The following DSEL variants were observed in gnomAD, a reference collection of about 807,000 sequenced individuals.
The protein encoded by DSEL is dermatan sulfate epimerase like, also known as dermatan-sulfate epimerase-like protein.
Under a neutral mutation model 96.6 loss-of-function variants are expected in DSEL, and 61 were observed. The observed-to-expected ratio is 0.63, with a 90% CI of 0.51 to 0.78. The LOEUF (loss-of-function observed/expected upper bound fraction) is 0.78. DSEL is among the 30% of genes least tolerant of loss of function. The pLI is 0.00. For missense variants in DSEL, 1,320 were observed against 1,430.8 expected (o/e 0.92, Z 1.25); for synonymous variants, 514 against 502.0 (o/e 1.02, Z -0.32).
Position 67,513,424 on chromosome 18 carries a change from C to T in DSEL, c.1185G>A (p.Gln395=). ...LHTEYIWYDP[Q]LTPQPPADYG... is the part of the protein sequence containing the mutation. ...AATCAGCAGGTGGCTGTGGTGTGAG[C>T]TGGGGATCATACCAGATGTATTCAG... The change falls in exon 2 of 2, where the codon CAG becomes CAA. Residue 395 remains glutamine (Q), a synonymous_variant. Coordinates refer to ENST00000310045, the MANE Select transcript of DSEL (RefSeq NM_032160.3). 1 of 1,614,158 alleles carries T rather than the reference C, an allele frequency of 6.2e-7. No individual in the cohort carries two copies.
Position 67,512,518 on chromosome 18 carries a change from A to C in DSEL, c.2091T>G (p.Ser697Arg). ...INVSSCRFID[S>R]SNPGLQISLN... ...GAGAAATCTGAAGTCCAGGATTGGAACTATCAATAAATCTGCAGCTGGAGA... is the reference window on the plus strand; with the variant it reads ...GAGAAATCTGAAGTCCAGGATTGGACCTATCAATAAATCTGCAGCTGGAGA... The change falls in exon 2 of 2, where the codon AGT becomes AGG. Residue 697 changes from serine to arginine, a missense_variant. Transcript: ENST00000310045. 1 of 1,614,110 alleles carries C rather than the reference A, an allele frequency of 6.2e-7. No individual in the cohort carries two copies. The highest frequency in any genetic ancestry group is 1.3e-5 in the African/African-American group (1 of 75,066).
Position 67,514,394 on chromosome 18 carries a change from A to G in DSEL, c.215T>C (p.Ile72Thr). ...ACGAGACTTTTGTCTCATTGCTTGGATTTCTCCAGCATCAAAATATAAACT... is the reference window on the plus strand; with the variant it reads ...ACGAGACTTTTGTCTCATTGCTTGGGTTTCTCCAGCATCAAAATATAAACT... The part of the protein sequence containing the change: ...HPSLYFDAGE[I>T]QAMRQKSRAS... The change falls in exon 2 of 2, where the codon ATC becomes ACC. Residue 72 changes from isoleucine to threonine, a missense_variant. Ile to Thr is a moderately conservative substitution (Grantham distance 89, BLOSUM62 -1). This residue lies in a region of DSEL where 323 missense variants were observed against 333.1 expected (regional missense o/e 0.97). Coordinates refer to ENST00000310045, the MANE Select transcript of DSEL (RefSeq NM_032160.3). The G allele has an allele frequency of 6.2e-7, 1 of 1,614,148 alleles. No homozygotes were observed. Among genetic ancestry groups the G allele is most frequent in the Non-Finnish European group, 8.5e-7 (1 of 1,180,032 alleles).
rs747825242 is a variant in DSEL at position 67,514,134 on chromosome 18, G to T, written c.475C>A (p.Leu159Ile). 2 of 1,614,180 alleles carry T rather than the reference G, an allele frequency of 1.2e-6. No individual in the cohort carries two copies. Among genetic ancestry groups the T allele is most frequent in the Non-Finnish European group, 8.5e-7 (1 of 1,180,042 alleles). Residue 159 changes from leucine to isoleucine, a missense_variant, in exon 2 of 2, where the codon CTA becomes ATA. Physicochemically the swap from Leu to Ile is conservative, Grantham distance 5. Coordinates refer to ENST00000310045, the MANE Select transcript of DSEL (RefSeq NM_032160.3). Reference protein sequence around the residue: ...MDRMVGYKDWLVENAPGDEVP... With the variant: ...MDRMVGYKDWIVENAPGDEVP... ...TCATCTCCTGGTGCATTCTCTACTA[G>T]CCAGTCTTTGTAGCCAACCATCCTG...
In DSEL at chr18:67,513,123, G is replaced by A; in HGVS notation, c.1486C>T (p.His496Tyr). The A allele has an allele frequency of 6.2e-7, 1 of 1,614,120 alleles. No individual in the cohort carries two copies. The highest frequency in any genetic ancestry group is 8.5e-7 in the Non-Finnish European group (1 of 1,180,030). ...SEALYGPKLS[H>Y]LNNVLVFAPS... is the part of the protein sequence containing the mutation. ...GCAAACACCAATACATTGTTAAGGT[G>A]GCTCAACTTGGGTCCATAGAGAGCT... The change falls in exon 2 of 2, where the codon CAC (histidine) becomes TAC (tyrosine). Residue 496 changes from histidine (H) to tyrosine (Y), a missense_variant. Physicochemically the swap from His to Tyr is moderately conservative, Grantham distance 83 (BLOSUM62 2). This residue lies in a region of DSEL where 986 missense variants were observed against 1,066.4 expected (regional missense o/e 0.92). Coordinates refer to ENST00000310045, the MANE Select transcript of DSEL (RefSeq NM_032160.3).
rs2089422403 is a variant in DSEL at position 67,508,465 on chromosome 18, T to G, written c.*2505A>C. 4.6e-5 allele frequency: 7 copies of G among 152,220 alleles called. No homozygotes were observed. The highest frequency in any genetic ancestry group is 4.6e-4 in the Admixed American group (7 of 15,282). 9.4% of individuals were successfully genotyped at this position (152,220 alleles called of 1,614,324 possible). On this transcript the variant is annotated 3_prime_UTR_variant, in exon 2 of 2. Transcript: ENST00000310045. ...TAGAATAACTAAATAGTAGGGTTCA[T>G]GTCTAAAATTTTCCCTTGGGGTGGG...
rs773471881 is a variant in DSEL, at chr18:67,513,988, C to T, written c.621G>A (p.Met207Ile). Residue 207 changes from methionine to isoleucine, a missense_variant, in exon 2 of 2, where the codon ATG becomes ATA. By Grantham distance (10) the Met-to-Ile change is conservative (BLOSUM62 1). Transcript: ENST00000310045. The part of the protein sequence containing the change: ...LEKIWVITEE[M>I]YEYSKVRSWG... ...ATGAGCGGACCTTGGAATACTCGTA[C>T]ATTTCCTCAGTAATAACCCATATTT... The T allele has an allele frequency of 1.9e-6, 3 of 1,614,160 alleles. No homozygotes were observed. The highest frequency in any genetic ancestry group is 2.5e-6 in the Non-Finnish European group (3 of 1,180,034).
rs2089412510 is a variant in DSEL at position 67,506,781 on chromosome 18, C to A, written c.*4189G>T. ...ATCCATGAAAACAGAATCAATTAAA[C>A]ATGTATGTGTTACTTAGACTAAATA... is the stretch of plus-strand genomic sequence containing the variant. On this transcript the variant is annotated 3_prime_UTR_variant, in exon 2 of 2. Coordinates refer to ENST00000310045, the MANE Select transcript of DSEL (RefSeq NM_032160.3). 6.6e-6 allele frequency: 1 copy of A among 151,944 alleles called. No individual in the cohort carries two copies. The highest frequency in any genetic ancestry group is 1.5e-5 in the Non-Finnish European group (1 of 68,004). The allele number at this position is 151,944 out of a possible 1,614,324, so 9.4% of individuals were successfully genotyped here.
rs2089412673 is a variant in DSEL at position 67,506,813 on chromosome 18, AC to A, written c.*4156del. 6.6e-6 allele frequency: 1 copy of A among 152,178 alleles called. No homozygotes were observed. 9.4% of individuals were successfully genotyped at this position (152,178 alleles called of 1,614,324 possible). A position where few individuals can be genotyped will look rare whatever the true frequency, so the allele number is the denominator to read the frequency against. The stretch of plus-strand genomic sequence containing the variant: ...GTGTTACTTAGACTAAATATAAATA[AC>A]CCATATAAATGGTAGCTCAAACATC... On this transcript the variant is annotated 3_prime_UTR_variant, in exon 2 of 2. Transcript: ENST00000310045.
Position 67,516,400 on chromosome 18 carries a change from C to G in DSEL, c.-924G>C, listed in dbSNP as rs920152439. 1 of 152,326 alleles carries G rather than the reference C, an allele frequency of 6.6e-6. No homozygotes were observed. The highest frequency in any genetic ancestry group is 1.5e-5 in the Non-Finnish European group (1 of 68,188). The allele number at this position is 152,326 out of a possible 1,614,324, so 9.4% of individuals were successfully genotyped here. A position where few individuals can be genotyped will look rare whatever the true frequency, so the allele number is the denominator to read the frequency against. On this transcript the variant is annotated 5_prime_UTR_variant, in exon 1 of 2. Coordinates refer to ENST00000310045, the MANE Select transcript of DSEL (RefSeq NM_032160.3). This position sits in a 1 kb window ranked among gnomAD's most constrained non-coding sequence, Gnocchi z 5.6. ...GACGGGGGCTCGGCGCCGCACTGGG[C>G]CCCAAGGGAGACGGAGGTGGAGAGT...
chr18:67,511,295 G>A lies in DSEL; in HGVS notation c.3314C>T (p.Ala1105Val), dbSNP rs1312951000. ...AVSLLSHLWL[A>V]NTAAALRINT... is the part of the protein sequence containing the mutation. The stretch of plus-strand genomic sequence containing the variant: ...TATTCTCAAGGCTGCTGCTGTATTT[G>A]CTAGCCACAAGTGAGACAAGAGGGA... Residue 1105 changes from alanine to valine, a missense_variant, in exon 2 of 2, where the codon GCA becomes GTA. Transcript: ENST00000310045. The A allele has an allele frequency of 6.2e-7, 1 of 1,609,180 alleles. No individual in the cohort carries two copies. Among genetic ancestry groups the A allele is most frequent in the East Asian group, 2.2e-5 (1 of 44,874 alleles).
rs1278856538 is a variant in DSEL at position 67,509,723 on chromosome 18, A to C, written c.*1247T>G. On this transcript the variant is annotated 3_prime_UTR_variant, in exon 2 of 2. Coordinates refer to ENST00000310045, the MANE Select transcript of DSEL (RefSeq NM_032160.3). The stretch of plus-strand genomic sequence containing the variant: ...GTACAGAGATTTTCATCAAGTCTCC[A>C]CACTGCCTTATGTTTTCATCCAATA... 2 of 152,590 alleles carry C rather than the reference A, an allele frequency of 1.3e-5. No individual in the cohort carries two copies. The highest frequency in any genetic ancestry group is 4.8e-5 in the African/African-American group (2 of 41,468). The allele number at this position is 152,590 out of a possible 1,614,324, so 9.5% of individuals were successfully genotyped here. A position where few individuals can be genotyped will look rare whatever the true frequency, so the allele number is the denominator to read the frequency against.
chr18:67,513,839 AC>A lies in DSEL; in HGVS notation c.769del (p.Val257SerfsTer9). ...CAATAGAAACATTGTCTTTTCCATG[AC>A]ATCCACTACAGCCTGTTTCCATATA... is the stretch of plus-strand genomic sequence containing the variant. ...ANIWKQAVVD[V>X]MEKTMFLLNH... is the part of the protein sequence containing the mutation. On this transcript the variant is annotated frameshift_variant, in exon 2 of 2. Transcript: ENST00000310045. LOFTEE classifies it high-confidence loss of function. 1 of 1,614,144 alleles carries A rather than the reference AC, an allele frequency of 6.2e-7. No homozygotes were observed. The highest frequency in any genetic ancestry group is 8.5e-7 in the Non-Finnish European group (1 of 1,180,016).
Position 67,507,698 on chromosome 18 carries a change from T to C in DSEL, c.*3272A>G, listed in dbSNP as rs181999879. 6.0e-4 allele frequency: 91 copies of C among 152,320 alleles called. No individual in the cohort carries two copies. The highest frequency in any genetic ancestry group is 2.0e-3 in the African/African-American group (85 of 41,574). The allele number at this position is 152,320 out of a possible 1,614,324, so 9.4% of individuals were successfully genotyped here. On this transcript the variant is annotated 3_prime_UTR_variant, in exon 2 of 2. Coordinates refer to ENST00000310045, the MANE Select transcript of DSEL (RefSeq NM_032160.3). ...CTGGGAATTTTGATACAAGGAAGGA[T>C]TGTCCCATTCTTGTCAGGCATTTAT...
At position 67,512,352 on chromosome 18, in the gene DSEL, G is replaced by C. The variant is rs1245067298; in HGVS notation, c.2257C>G (p.Gln753Glu). The C allele has an allele frequency of 5.0e-6, 8 of 1,614,166 alleles. No individual in the cohort carries two copies. The East Asian group carries it at 1.8e-4, about 36-fold the overall frequency. ...GQITRFGLGT[Q>E]AIVKPVRHDR... ...TGTCTTACAGGCTTTACTATTGCTT[G>C]AGTGCCCAAACCAAATCGGGTTATT... Residue 753 changes from glutamine (Q) to glutamate (E), a missense_variant, in exon 2 of 2, where the codon CAA (glutamine) becomes GAA (glutamate). Physicochemically the swap from Gln to Glu is conservative, Grantham distance 29. This residue lies in a region of DSEL where 986 missense variants were observed against 1,066.4 expected (regional missense o/e 0.92). Coordinates refer to ENST00000310045, the MANE Select transcript of DSEL (RefSeq NM_032160.3).
rs2089428732 is a variant in DSEL, at chr18:67,509,340, T to A, written c.*1630A>T. ...GCCGGTAACTCTGAGATAGAATGAA[T>A]AATCTTTCTTGAGATTACTAGTGTA... is the stretch of plus-strand genomic sequence containing the variant. On this transcript the variant is annotated 3_prime_UTR_variant, in exon 2 of 2. Transcript: ENST00000310045. 6.6e-6 allele frequency: 1 copy of A among 152,234 alleles called. No homozygotes were observed. 9.4% of individuals were successfully genotyped at this position (152,234 alleles called of 1,614,324 possible).
chr18:67,514,516 T>C lies in DSEL; in HGVS notation c.93A>G (p.Glu31=), dbSNP rs2089464420. The stretch of plus-strand genomic sequence containing the variant: ...CTATATCATCTGTGAAAACTGCCCA[T>C]TCGGAATAATTGCTCACAGATTCCT... ...TFEESVSNYS[E]WAVFTDDIDQ... The change falls in exon 2 of 2, where the codon GAA becomes GAG. Residue 31 remains glutamate, a synonymous_variant. Transcript: ENST00000310045. 3.7e-6 allele frequency: 6 copies of C among 1,614,046 alleles called. No individual in the cohort carries two copies. The highest frequency in any genetic ancestry group is 5.1e-6 in the Non-Finnish European group (6 of 1,180,034).
At chr18:67,515,784 C>T (rs1217415513) in intron 1 of DSEL, among the ~76,000 whole-genome samples, 1 of 152,090 alleles carries the variant, frequency 6.6e-6, no homozygotes, top group East Asian at 1.9e-4. Context: ...AACGTGGCTT[C>T]AGTCACTTAA....
rs2089430714 is a variant in DSEL at position 67,509,703 on chromosome 18, G to C, written c.*1267C>G. On this transcript the variant is annotated 3_prime_UTR_variant, in exon 2 of 2. Transcript: ENST00000310045. ...CAGGAAGAAGACTGCAATCTGTACA[G>C]AGATTTTCATCAAGTCTCCACACTG... 1 of 152,448 alleles carries C rather than the reference G, an allele frequency of 6.6e-6. No individual in the cohort carries two copies. The allele number at this position is 152,448 out of a possible 1,614,324, so 9.4% of individuals were successfully genotyped here.
Position 67,512,219 on chromosome 18 carries a change from A to G in DSEL, c.2390T>C (p.Phe797Ser), listed in dbSNP as rs1188560039. ...LTFQWRFYLSFRKLMRWILIL... is the reference protein window; with the variant it reads ...LTFQWRFYLSSRKLMRWILIL... ...TAATATCCATCGCATTAGTTTTCTA[A>G]AAGAAAGGTAAAAACGCCATTGGAA... Residue 797 changes from phenylalanine to serine, a missense_variant, in exon 2 of 2, where the codon TTT becomes TCT. Coordinates refer to ENST00000310045, the MANE Select transcript of DSEL (RefSeq NM_032160.3). The G allele has an allele frequency of 6.2e-7, 1 of 1,614,186 alleles. No homozygotes were observed. The highest frequency in any genetic ancestry group is 1.7e-5 in the Admixed American group (1 of 60,014).
Sources: gnomAD v4.1 joint callset for allele counts (sites outside exome capture counted in the v4.1 genomes callset) on GRCh38, gnomAD v4.1.1 for gene constraint, gnomAD v4.1.1 regional missense constraint, Gnocchi (gnomAD v3.1) non-coding constraint, MANE v1.5 for transcripts, NCBI Gene and HGNC (gene_info 2026-07-23, HGNC 2026-07-21) for gene names.